Variants in LRP8 observed in about 807,000 individuals in gnomAD.
The protein encoded by LRP8 is low-density lipoprotein receptor-related protein 8.
A neutral mutation model predicts 111.6 loss-of-function variants in LRP8; 46 were observed. The ratio of observed to expected loss-of-function variants is 0.41; its 90% CI spans 0.33 to 0.53. The LOEUF (loss-of-function observed/expected upper bound fraction) is 0.53. LRP8 is among the 20% of genes least tolerant of loss of function. The pLI, the probability that LRP8 is intolerant of heterozygous loss-of-function variation, is 0.20. For synonymous variants in LRP8, 464 were observed against 511.2 expected (o/e 0.91, Z 1.24); for missense variants, 959 against 1,297.4 (o/e 0.74, Z 4.01).
At chr1:53,265,363 A>G (rs1387278722) in intron 9 of LRP8, among the ~76,000 whole-genome samples, 1 of 152,120 alleles carries the variant, frequency 6.6e-6, no homozygotes, top group Non-Finnish European at 1.5e-5. Flanking sequence ...CCTTGAACTC[A>G]ATATGTCCAA....
At chr1:53,247,826 C>T (rs80242678) in intron 18 of LRP8, among the ~76,000 whole-genome samples, 8,279 of 152,310 alleles carry the variant, frequency 0.054, 312 homozygotes, top group Middle Eastern at 0.18. Context: ...GAATTCCCTT[C>T]CGTTCATTCT....
chr1:53,311,983 G>A (rs1653087200), intron 2 of LRP8, among the ~76,000 whole-genome samples: 2 of 152,234 alleles, frequency 1.3e-5, no homozygotes, highest in Admixed American at 1.3e-4. Context: ...CGTGGCCAGC[G>A]CCTCCAGCTT....
rs1645745143 is a variant in LRP8, at chr1:53,246,971, G to C, written c.*47C>G. 3.2e-6 allele frequency: 5 copies of C among 1,551,320 alleles called. No individual in the cohort carries two copies. In the East Asian group the frequency reaches 9.0e-5, roughly 28 times the overall value. On this transcript the variant is annotated 3_prime_UTR_variant, in exon 19 of 19. Coordinates refer to ENST00000306052, the MANE Select transcript of LRP8 (RefSeq NM_004631.5). ...CCAGTCATACACCATCCAGAGTGTA[G>C]TGCATGGGACTGAATTCCATGAGGC...
At chr1:53,306,070 C>T (rs1651898315) in intron 2 of LRP8, 1 of 152,186 alleles carries the variant, frequency 6.6e-6, no homozygotes, top group Admixed American at 6.6e-5. Context: ...GGATCAGAGA[C>T]CTCTTCTGAT....
At chr1:53,272,245 A>G (rs995804857) in intron 6 of LRP8, among the ~76,000 whole-genome samples, 1 of 152,000 alleles carries the variant, frequency 6.6e-6, no homozygotes, top group Non-Finnish European at 1.5e-5. Context: ...CACCTGCTGC[A>G]AGAGGTGAAG....
At chr1:53,327,736 T>G in intron 1 of LRP8, 53 bp downstream of exon 1, 3 of 1,400,990 alleles carry the variant, frequency 2.1e-6, no homozygotes, top group Non-Finnish European at 9.4e-7. Context: ...CCGGCCGCGC[T>G]TTGTTGGTGG....
At chr1:53,306,423 C>CT (rs1651969409) in intron 2 of LRP8, among the ~76,000 whole-genome samples, 1 of 152,200 alleles carries the variant, frequency 6.6e-6, no homozygotes, top group Admixed American at 6.5e-5. Context: ...CTTGTGTCCT[C>CT]TTTCTCTTGC....
At position 53,244,122 on chromosome 1, in the gene LRP8, A is replaced by T. The variant is rs761995713; in HGVS notation, c.*2896T>A. 5 of 152,252 alleles carry T rather than the reference A, an allele frequency of 3.3e-5. No homozygotes were observed. Among genetic ancestry groups the T allele is most frequent in the Admixed American group, 6.5e-5 (1 of 15,286 alleles). 9.4% of individuals were successfully genotyped at this position (152,252 alleles called of 1,614,324 possible). ...CTGTTTTATAAATAATCTGTGTATCAAGAGTAAATAAGTACAGTTTCGTTT... is the reference window on the plus strand; with the variant it reads ...CTGTTTTATAAATAATCTGTGTATCTAGAGTAAATAAGTACAGTTTCGTTT... On this transcript the variant is annotated 3_prime_UTR_variant, in exon 19 of 19. Coordinates refer to ENST00000306052, the MANE Select transcript of LRP8 (RefSeq NM_004631.5).
intron 3 of LRP8, 145 bp from the exon 4 acceptor site, chr1:53,280,860 A>G: frequency 9.9e-7 from 1 of 1,008,928 alleles, no homozygotes; most frequent in Non-Finnish European, 1.4e-6. Context: ...CAGTTTCATC[A>G]GCTGAGAAGA....
intron 2 of LRP8, among the ~76,000 whole-genome samples, chr1:53,320,160 G>C (rs570614734): frequency 6.6e-6 from 1 of 152,400 alleles, no homozygotes; most frequent in South Asian, 2.1e-4. Flanking sequence ...GTGTTAACGT[G>C]AGTATTTTAG....
chr1:53,312,457 TG>T (rs1653178180), intron 2 of LRP8, among the ~76,000 whole-genome samples: 1 of 152,062 alleles, frequency 6.6e-6, no homozygotes, highest in South Asian at 2.1e-4. Flanking sequence ...CTCAAACTCC[TG>T]GGCTCAAGCA....
chr1:53,326,847 T>C (rs780316857), intron 2 of LRP8, 26 bp downstream of exon 2: 1 of 1,608,404 alleles, frequency 6.2e-7, no homozygotes, highest in Non-Finnish European at 8.5e-7. Flanking sequence ...TCTCCCCGGG[T>C]CTGAGCTCCC....
At position 53,243,228 on chromosome 1, in the gene LRP8, G is replaced by C. The variant is rs1420121678; in HGVS notation, c.*3790C>G. On this transcript the variant is annotated 3_prime_UTR_variant, in exon 19 of 19. Coordinates refer to ENST00000306052, the MANE Select transcript of LRP8 (RefSeq NM_004631.5). ...CTGTGCCATTTCCCCATTCCCACCAGTGCCCAACTGGACAGTGATTAGTAT... is the reference window on the plus strand; with the variant it reads ...CTGTGCCATTTCCCCATTCCCACCACTGCCCAACTGGACAGTGATTAGTAT... 25 of 152,148 alleles carry C rather than the reference G, an allele frequency of 1.6e-4. No homozygotes were observed. 9.4% of individuals were successfully genotyped at this position (152,148 alleles called of 1,614,324 possible). A position where few individuals can be genotyped will look rare whatever the true frequency, so the allele number is the denominator to read the frequency against.
chr1:53,306,463 C>A (rs1433419126), intron 2 of LRP8, among the ~76,000 whole-genome samples: 1 of 152,050 alleles, frequency 6.6e-6, no homozygotes, highest in Admixed American at 6.5e-5. Flanking sequence ...CCAAGGAGAA[C>A]AGAGCCAGGG....
chr1:53,275,641 G>T lies in LRP8; in HGVS notation c.996C>A (p.Gly332=). The T allele has an allele frequency of 6.2e-7, 1 of 1,613,996 alleles. No individual in the cohort carries two copies. ...QDCPDGSDEA[G]CLQGLNECLH... ...CCTGACCACACGCACCCTGTAGGCA[G>T]CCAGCTTCATCACTCCCATCTGGAC... The change falls in exon 6 of 19, where the codon GGC becomes GGA. Residue 332 remains glycine, a synonymous_variant. Coordinates refer to ENST00000306052, the MANE Select transcript of LRP8 (RefSeq NM_004631.5). This position sits in a 1 kb window ranked among gnomAD's most constrained non-coding sequence, Gnocchi z 4.4.
intron 16 of LRP8, among the ~76,000 whole-genome samples, chr1:53,253,380 T>C (rs916413678): frequency 2.0e-5 from 3 of 152,162 alleles, no homozygotes; most frequent in African/African-American, 7.2e-5. Context: ...ATTTGTCATG[T>C]ATAAATATTT....
rs146116443 is a variant in LRP8 at position 53,265,008 on chromosome 1, T to C, written c.1428-612A>G. On this transcript the variant is annotated intron_variant, in intron 9 of 18. Transcript: ENST00000306052. ...GATATAGTCCAATAAGCATGTTAGT[T>C]CACTGTGGCATCTATGGAGTGGATG... Among the ~76,000 whole-genome samples, 6 of 152,264 alleles carry C rather than the reference T, an allele frequency of 3.9e-5. No homozygotes were observed. The East Asian group carries it at 5.8e-4, about 15-fold the overall frequency.
Position 53,294,172 on chromosome 1 carries a change from C to G in LRP8, c.245-4483G>C, listed in dbSNP as rs529732181. On this transcript the variant is annotated intron_variant, in intron 2 of 18. Transcript: ENST00000306052. This position sits in a 1 kb window ranked among gnomAD's most constrained non-coding sequence, Gnocchi z 4.1. Reference sequence around the variant, plus strand: ...GGGATTTATGTCCCCCCATGCCAGTCTGCCCCTTGGACAATGCCCACCTCT... The same window carrying G: ...GGGATTTATGTCCCCCCATGCCAGTGTGCCCCTTGGACAATGCCCACCTCT... Among the ~76,000 whole-genome samples, 1 of 152,328 alleles carries G rather than the reference C, an allele frequency of 6.6e-6. No homozygotes were observed. Among genetic ancestry groups the G allele is most frequent in the South Asian group, 2.1e-4 (1 of 4,832 alleles).
chr1:53,326,777 G>A, intron 2 of LRP8, 96 bp downstream of exon 2: 3 of 1,497,866 alleles, frequency 2.0e-6, no homozygotes, highest in Non-Finnish European at 2.7e-6. Context: ...CGCGCAGGTG[G>A]CAGCGCGGCG....
Sources: gnomAD v4.1 joint callset for allele counts (sites outside exome capture counted in the v4.1 genomes callset) on GRCh38, gnomAD v4.1.1 for gene constraint, Gnocchi (gnomAD v3.1) non-coding constraint, MANE v1.5 for transcripts, NCBI Gene and HGNC (gene_info 2026-07-23, HGNC 2026-07-21) for gene names.